Variants in PRKN observed in about 807,000 individuals in gnomAD.
PRKN encodes the protein parkin RBR E3 ubiquitin protein ligase, also known as E3 ubiquitin-protein ligase parkin.
PRKN carries 56 observed loss-of-function variants against 59.5 expected under a neutral mutation model. The ratio of observed to expected loss-of-function variants is 0.94; its 90% CI spans 0.76 to 1.18. PRKN has a LOEUF of 1.18. Ranked by LOEUF, PRKN falls within the 50% of genes most tolerant of loss-of-function variation. The pLI, the probability that PRKN is intolerant of heterozygous loss-of-function variation, is 0.00. For missense variants in PRKN, 657 were observed against 596.4 expected (o/e 1.10, Z -1.06); for synonymous variants, 250 against 222.1 (o/e 1.13, Z -1.12).
chr6:161,655,811 A>G (rs1784322518), intron 7 of PRKN, among the ~76,000 whole-genome samples: 1 of 151,050 alleles, frequency 6.6e-6, no homozygotes, highest in South Asian at 2.1e-4. Context: ...GAGTTGACAC[A>G]TGTTGATTAT....
chr6:162,083,839 C>A (rs1779155047), intron 4 of PRKN, among the ~76,000 whole-genome samples: 1 of 151,996 alleles, frequency 6.6e-6, no homozygotes, highest in African/African-American at 2.4e-5. Context: ...ACTAAAAATA[C>A]CTGCAGACAG....
Position 161,681,453 on chromosome 6 carries a change from CT to C in PRKN, c.871+104318del, listed in dbSNP as rs111558346. 1.8e-3 allele frequency among the ~76,000 whole-genome samples: 263 copies of C among 146,840 alleles called. 1 individual carries two copies. Among genetic ancestry groups the C allele is most frequent in the South Asian group, 4.3e-3 (20 of 4,634 alleles). ...CTCTTTTTAAAGAGTCCAAGTAAAT[CT>C]TTTTTTTTTTTCTCCTGATTGTCTT... On this transcript the variant is annotated intron_variant, in intron 7 of 11. Coordinates refer to ENST00000366898, the MANE Select transcript of PRKN (RefSeq NM_004562.3).
intron 7 of PRKN, among the ~76,000 whole-genome samples, chr6:161,609,795 C>T (rs543066097): frequency 7.2e-5 from 11 of 152,288 alleles, no homozygotes; most frequent in Non-Finnish European, 1.6e-4. Flanking sequence ...TGGGGAGTCG[C>T]AGTGCCTGGG....
chr6:162,625,889 A>G (rs1293568655), intron 1 of PRKN, among the ~76,000 whole-genome samples: 2 of 152,234 alleles, frequency 1.3e-5, no homozygotes, highest in Non-Finnish European at 2.9e-5. Flanking sequence ...AAGTTACTCC[A>G]GTTACTTCAT....
At chr6:162,151,659 G>GA in intron 4 of PRKN, among the ~76,000 whole-genome samples, 1 of 152,026 alleles carries the variant, frequency 6.6e-6, no homozygotes, top group Non-Finnish European at 1.5e-5. Context: ...CAGTCTTCCA[G>GA]AAAAAAATCT....
intron 7 of PRKN, among the ~76,000 whole-genome samples, chr6:161,600,805 T>C (rs1782078111): frequency 6.6e-6 from 1 of 152,168 alleles, no homozygotes; most frequent in African/African-American, 2.4e-5. Flanking sequence ...GATTCCCCTT[T>C]TCTCTCTTTC....
chr6:161,728,507 T>C (rs9458348), intron 7 of PRKN, among the ~76,000 whole-genome samples: 62,443 of 152,006 alleles, frequency 0.41, 16,559 homozygotes, highest in African/African-American at 0.76. Context: ...GAAAGTAGAA[T>C]ATATAGCAGG....
intron 1 of PRKN, among the ~76,000 whole-genome samples, chr6:162,641,669 T>C (rs771338735): frequency 6.6e-6 from 1 of 152,202 alleles, no homozygotes; most frequent in East Asian, 1.9e-4. Context: ...CTTAGGCAGA[T>C]TACTCTGCAG....
intron 9 of PRKN, among the ~76,000 whole-genome samples, chr6:161,453,547 C>G (rs892172672): frequency 2.0e-5 from 3 of 152,158 alleles, no homozygotes; most frequent in Non-Finnish European, 4.4e-5. Context: ...AAGGCCTTAA[C>G]AGGTTTCTCA....
chr6:162,659,141 C>A (rs768051948), intron 1 of PRKN, among the ~76,000 whole-genome samples: 2 of 152,102 alleles, frequency 1.3e-5, no homozygotes, highest in Non-Finnish European at 2.9e-5. Context: ...TAATACCTTT[C>A]TTAGTTACAT....
intron 1 of PRKN, among the ~76,000 whole-genome samples, chr6:162,565,049 A>G (rs1780001730): frequency 6.6e-6 from 1 of 151,378 alleles, no homozygotes; most frequent in African/African-American, 2.4e-5. Flanking sequence ...AATAACTGAA[A>G]TAACTTTTCA....
At chr6:161,433,969 A>G (rs1456089307) in intron 9 of PRKN, among the ~76,000 whole-genome samples, 1 of 152,054 alleles carries the variant, frequency 6.6e-6, no homozygotes, top group Non-Finnish European at 1.5e-5. Context: ...GTGAGTTGAG[A>G]TCACGCCATT....
intron 1 of PRKN, among the ~76,000 whole-genome samples, chr6:162,510,838 G>A (rs750411994): frequency 1.1e-4 from 16 of 151,984 alleles, no homozygotes; most frequent in African/African-American, 1.7e-4. Flanking sequence ...CAGGAGAATC[G>A]CTTGATCCCA....
At chr6:162,296,390 T>TGTGA (rs1386081553) in intron 2 of PRKN, among the ~76,000 whole-genome samples, 1 of 152,056 alleles carries the variant, frequency 6.6e-6, no homozygotes, top group Non-Finnish European at 1.5e-5. Context: ...CTTGCTTTTA[T>TGTGA]GTGAGTCTGA....
At chr6:161,477,909 G>A (rs755578387) in intron 9 of PRKN, among the ~76,000 whole-genome samples, 7 of 152,162 alleles carry the variant, frequency 4.6e-5, no homozygotes, top group African/African-American at 7.2e-5. Context: ...ACCAGTCTCC[G>A]AAGCAGGAAA....
At chr6:162,506,251 C>CAAAAAA (rs10528135) in intron 1 of PRKN, among the ~76,000 whole-genome samples, 10 of 95,336 alleles carry the variant, frequency 1.0e-4, no homozygotes, top group African/African-American at 3.7e-4. Flanking sequence ...AAAGAGGAAG[C>CAAAAAA]AAAAAAAAAA....
intron 6 of PRKN, among the ~76,000 whole-genome samples, chr6:161,944,483 T>C (rs1779709471): frequency 6.6e-6 from 1 of 152,120 alleles, no homozygotes; most frequent in African/African-American, 2.4e-5. Flanking sequence ...CTTGGGGCCA[T>C]TGAAGGTTCC....
intron 7 of PRKN, among the ~76,000 whole-genome samples, chr6:161,772,927 G>C (rs1789756047): frequency 6.6e-6 from 1 of 152,158 alleles, no homozygotes; most frequent in Non-Finnish European, 1.5e-5. Flanking sequence ...GTTCTGGAGA[G>C]GGACATTTGG....
intron 6 of PRKN, among the ~76,000 whole-genome samples, chr6:161,959,229 G>C (rs1780292499): frequency 1.3e-5 from 2 of 152,184 alleles, no homozygotes; most frequent in African/African-American, 4.8e-5. Context: ...TTGCTGCTCA[G>C]ATGTGAGGCG....
Sources: gnomAD v4.1 joint callset for allele counts (sites outside exome capture counted in the v4.1 genomes callset) on GRCh38, gnomAD v4.1.1 for gene constraint, MANE v1.5 for transcripts, NCBI Gene and HGNC (gene_info 2026-07-23, HGNC 2026-07-21) for gene names.